Variants in RAD51AP1 observed in about 807,000 individuals in gnomAD.
RAD51AP1 encodes RAD51 associated protein 1.
A neutral mutation model predicts 34.3 loss-of-function variants in RAD51AP1; 14 were observed. The ratio of observed to expected loss-of-function variants is 0.41; its 90% confidence interval spans 0.27 to 0.64. RAD51AP1 has a LOEUF of 0.64. Ranked by LOEUF, RAD51AP1 falls within the 30% of genes least tolerant of loss-of-function variation. The pLI, the probability that RAD51AP1 is intolerant of heterozygous loss-of-function variation, is 0.33. For synonymous variants in RAD51AP1, 114 were observed against 129.8 expected (o/e 0.88, Z 0.83); for missense variants, 348 against 386.9 (o/e 0.90, Z 0.84).
chr12:4,555,618 A>G (rs1035592269), intron 7 of RAD51AP1, among the ~76,000 whole-genome samples: 3 of 152,140 alleles, frequency 2.0e-5, no homozygotes, highest in Non-Finnish European at 2.9e-5. Context: ...CGTACACTGA[A>G]CCAGTCAGTA....
At chr12:4,553,567 T>C (rs1944562009) in intron 7 of RAD51AP1, among the ~76,000 whole-genome samples, 1 of 152,118 alleles carries the variant, frequency 6.6e-6, no homozygotes, top group Admixed American at 6.5e-5. Context: ...GAAGTTTGCA[T>C]AATTCTAATT....
At position 4,548,072 on chromosome 12, in the gene RAD51AP1, T is replaced by G. The variant is rs1565525309; in HGVS notation, c.320-20T>G. 1 of 1,576,554 alleles carries G rather than the reference T, an allele frequency of 6.3e-7. No individual in the cohort carries two copies. Among genetic ancestry groups the G allele is most frequent in the Non-Finnish European group, 8.6e-7 (1 of 1,167,550 alleles). The stretch of plus-strand genomic sequence containing the variant: ...TGATTAAGATATATCTGAATTTTCT[T>G]TCTTATTCCTTATATTTAGGCATTG... On this transcript the variant is annotated intron_variant, in intron 4 of 8. Coordinates refer to ENST00000352618, the MANE Select transcript of RAD51AP1 (RefSeq NM_006479.5).
At chr12:4,547,655 G>A (rs35309387) in intron 4 of RAD51AP1, among the ~76,000 whole-genome samples, 2 of 152,102 alleles carry the variant, frequency 1.3e-5, no homozygotes, top group Admixed American at 6.5e-5. Flanking sequence ...TTATTATAAC[G>A]ATTGGAGAGT....
At chr12:4,544,894 CA>C (rs1459749877) in intron 3 of RAD51AP1, among the ~76,000 whole-genome samples, 1 of 152,186 alleles carries the variant, frequency 6.6e-6, no homozygotes, top group Admixed American at 6.5e-5. Flanking sequence ...TAATACTTCA[CA>C]CCCACTAGAT....
At chr12:4,542,102 A>G (rs1944471581) in intron 2 of RAD51AP1, among the ~76,000 whole-genome samples, 169 bp downstream of exon 2, 1 of 152,212 alleles carries the variant, frequency 6.6e-6, no homozygotes, top group Non-Finnish European at 1.5e-5. Flanking sequence ...AATTATACTG[A>G]TAAAAATTAT....
At chr12:4,542,283 T>G (rs1944472784) in intron 2 of RAD51AP1, among the ~76,000 whole-genome samples, 1 of 152,212 alleles carries the variant, frequency 6.6e-6, no homozygotes, top group Non-Finnish European at 1.5e-5. Context: ...AAATCCCTAT[T>G]AATTGTACTA....
In RAD51AP1 at chr12:4,545,373, G is replaced by A. The variant is rs144542394; in HGVS notation, c.210-936G>A. 5.9e-3 allele frequency: 1,963 copies of A among 334,114 alleles called. 12 individuals are homozygous for A. Among genetic ancestry groups the A allele is most frequent in the Middle Eastern group, 0.015 (17 of 1,118 alleles). 20.7% of individuals were successfully genotyped at this position (334,114 alleles called of 1,614,324 possible). ...CCAGAATAGGCAAATCCATAGAAAC[G>A]GAAAGCAGATTAATGGTTGCTAGGA... On this transcript the variant is annotated intron_variant, in intron 3 of 8. Transcript: ENST00000352618.
At chr12:4,558,803 C>T in intron 8 of RAD51AP1, 54 bp from the exon 9 acceptor site, 1 of 1,577,560 alleles carries the variant, frequency 6.3e-7, no homozygotes, top group Non-Finnish European at 8.6e-7. Flanking sequence ...ATAAATTAAT[C>T]TTTGTTAAGA....
At position 4,538,905 on chromosome 12, in the gene RAD51AP1, T is replaced by C. The variant is rs866965736; in HGVS notation, c.-35T>C. The stretch of plus-strand genomic sequence containing the variant: ...AACCGCCGCTGAAGCCAACAAGAAT[T>C]TGAGAACTGTAAATACCAAGCCTTG... On this transcript the variant is annotated 5_prime_UTR_variant, in exon 1 of 9. Transcript: ENST00000352618. 1.3e-5 allele frequency: 21 copies of C among 1,612,692 alleles called. 1 individual carries two copies. In the Middle Eastern group the frequency reaches 2.8e-3, roughly 218 times the overall value.
At chr12:4,542,559 G>GTA (rs1257223881) in intron 2 of RAD51AP1, among the ~76,000 whole-genome samples, 1 of 149,694 alleles carries the variant, frequency 6.7e-6, no homozygotes. Flanking sequence ...AGAGTGTAGA[G>GTA]TATAACATCT....
chr12:4,538,980 G>A, intron 1 of RAD51AP1, 24 bp downstream of exon 1: 2 of 1,609,598 alleles, frequency 1.2e-6, no homozygotes, highest in Non-Finnish European at 1.7e-6. Flanking sequence ...GACATTCGTC[G>A]GGGGTGGGAG....
chr12:4,556,304 C>G, intron 7 of RAD51AP1, 49 bp from the exon 8 acceptor site: 1 of 1,417,068 alleles, frequency 7.1e-7, no homozygotes, highest in Non-Finnish European at 9.9e-7. Context: ...GCTAGACTTA[C>G]TTTTTCTTCC....
chr12:4,548,669 T>C lies in RAD51AP1; in HGVS notation c.407-18T>C. 1.2e-6 allele frequency: 2 copies of C among 1,609,642 alleles called. No individual in the cohort carries two copies. Among genetic ancestry groups the C allele is most frequent in the Non-Finnish European group, 1.7e-6 (2 of 1,178,044 alleles). On this transcript the variant is annotated intron_variant, in intron 5 of 8. Transcript: ENST00000352618. ...TGTCACAGAAAGTTTTCCATTGATT[T>C]TTATGCCTCTCCTGAAGATTTGGAT...
chr12:4,541,477 G>C (rs893942087), intron 1 of RAD51AP1, among the ~76,000 whole-genome samples: 2 of 151,970 alleles, frequency 1.3e-5, no homozygotes, highest in South Asian at 4.2e-4. Flanking sequence ...CACGTACAAC[G>C]GGAACTTACA....
Position 4,548,188 on chromosome 12 carries a change from T to G in RAD51AP1, c.406+10T>G. The G allele has an allele frequency of 1.9e-6, 3 of 1,585,914 alleles. No homozygotes were observed. Among genetic ancestry groups the G allele is most frequent in the Non-Finnish European group, 2.6e-6 (3 of 1,171,648 alleles). On this transcript the variant is annotated intron_variant, in intron 5 of 8. Transcript: ENST00000352618. ...GCCAGTGATTATTTAGGTAAGTTTTTTATATTAATAATTTTTCTCATCAAC... is the reference window on the plus strand; with the variant it reads ...GCCAGTGATTATTTAGGTAAGTTTTGTATATTAATAATTTTTCTCATCAAC...
chr12:4,558,861 A>G lies in RAD51AP1; in HGVS notation c.876A>G (p.Ala292=), dbSNP rs1165101271. Residue 292 remains alanine, a synonymous_variant, in exon 9 of 9, where the codon GCA becomes GCG. Coordinates refer to ENST00000352618, the MANE Select transcript of RAD51AP1 (RefSeq NM_006479.5). ...SKKPKWVPPA[A]SGGSRSSSSP... is the part of the protein sequence containing the mutation. ...ACATCATATGTTTCCTTTCAGCGGC[A>G]TCTGGAGGTAGCAGAAGTAGCAGCA... is the stretch of plus-strand genomic sequence containing the variant. The G allele has an allele frequency of 1.2e-6, 2 of 1,614,036 alleles. No homozygotes were observed. Among genetic ancestry groups the G allele is most frequent in the Non-Finnish European group, 1.7e-6 (2 of 1,179,950 alleles).
At chr12:4,538,984 G>T (rs1471390717) in intron 1 of RAD51AP1, 28 bp downstream of exon 1, 1 of 1,611,890 alleles carries the variant, frequency 6.2e-7, no homozygotes, top group Non-Finnish European at 8.5e-7. Context: ...TTCGTCGGGG[G>T]TGGGAGGAAA....
intron 7 of RAD51AP1, 41 bp downstream of exon 7, chr12:4,553,188 T>C (rs1591774671): frequency 1.4e-6 from 2 of 1,422,454 alleles, no homozygotes; most frequent in Admixed American, 2.6e-5. Context: ...AAAGGAAATG[T>C]ATGTGGTTTG....
At chr12:4,543,550 T>C (rs575770826) in intron 2 of RAD51AP1, among the ~76,000 whole-genome samples, 2 of 152,310 alleles carry the variant, frequency 1.3e-5, no homozygotes, top group African/African-American at 4.8e-5. Context: ...AATTGGTTTT[T>C]GATAGACTGA....
Sources: gnomAD v4.1 joint callset for allele counts (sites outside exome capture counted in the v4.1 genomes callset) on GRCh38, gnomAD v4.1.1 for gene constraint, MANE v1.5 for transcripts, NCBI Gene and HGNC (gene_info 2026-07-23, HGNC 2026-07-21) for gene names.